The following NEK7 variants were observed in gnomAD, a reference collection of about 807,000 sequenced individuals.
NEK7 encodes NIMA related kinase 7, also known as serine/threonine-protein kinase Nek7.
Under a neutral mutation model 44.6 loss-of-function variants are expected in NEK7, and 18 were observed. That is an observed-to-expected ratio of 0.40 (90% CI 0.28 to 0.60). NEK7 has a LOEUF of 0.60. NEK7 is among the 20% of genes least tolerant of loss of function. The pLI, the probability that NEK7 is intolerant of heterozygous loss-of-function variation, is 0.38. For synonymous variants in NEK7, 130 were observed against 121.1 expected, an observed-to-expected ratio of 1.07 and a Z score of -0.48; for missense variants, 256 against 366.5, an observed-to-expected ratio of 0.70 and a Z score of 2.46.
chr1:198,308,633 T>A (rs6662033), intron 9 of NEK7, among the ~76,000 whole-genome samples: 12,572 of 152,304 alleles, frequency 0.083, 685 homozygotes, highest in East Asian at 0.17. Context: ...GCACGACTCA[T>A]GATTTCTCCC....
intron 1 of NEK7, among the ~76,000 whole-genome samples, chr1:198,230,886 GA>G (rs1442676560): frequency 6.6e-6 from 1 of 151,900 alleles, no homozygotes; most frequent in African/African-American, 2.4e-5. Context: ...CCAGTATAAT[GA>G]AACTGGAAGC....
rs1045463108 is a variant in NEK7 at position 198,310,624 on chromosome 1, G to A, written c.799-8788G>A. On this transcript the variant is annotated intron_variant, in intron 9 of 9. Coordinates refer to ENST00000367385, the MANE Select transcript of NEK7 (RefSeq NM_133494.3). The stretch of plus-strand genomic sequence containing the variant: ...CATCTTGAATTGATTTTTGTATAAG[G>A]TGTAAGGAAGGGATCCAGTTTCAGC... Among the ~76,000 whole-genome samples, 23 of 151,886 alleles carry A rather than the reference G, an allele frequency of 1.5e-4. 1 individual carries two copies. Among genetic ancestry groups the A allele is most frequent in the African/African-American group, 5.6e-4 (23 of 41,350 alleles).
rs1316581578 is a variant in NEK7 at position 198,242,829 on chromosome 1, T to C, written c.57+10192T>C. Among the ~76,000 whole-genome samples the C allele has an allele frequency of 3.6e-5, 5 of 137,460 alleles. No individual in the cohort carries two copies. In the South Asian group the frequency reaches 8.7e-4, roughly 24 times the overall value. 90.2% of individuals were successfully genotyped at this position (137,460 alleles called of 152,430 possible). A position where few individuals can be genotyped will look rare whatever the true frequency, so the allele number is the denominator to read the frequency against. ...TTTTAATTTTTTTTTTTGTATTTAA[T>C]TTTTTTTTTTTTAAGTAGAGATGGG... On this transcript the variant is annotated intron_variant, in intron 2 of 9. Coordinates refer to ENST00000367385, the MANE Select transcript of NEK7 (RefSeq NM_133494.3).
At chr1:198,268,004 T>G (rs1438018031) in intron 5 of NEK7, among the ~76,000 whole-genome samples, 1 of 151,968 alleles carries the variant, frequency 6.6e-6, no homozygotes, top group Non-Finnish European at 1.5e-5. Flanking sequence ...ATTCTCTTCC[T>G]AAAACACTCC....
chr1:198,247,884 T>A (rs560340399), intron 2 of NEK7, among the ~76,000 whole-genome samples: 2 of 152,326 alleles, frequency 1.3e-5, no homozygotes, highest in South Asian at 4.1e-4. Context: ...CCTTTCTGCG[T>A]AAGTCTAGGA....
At position 198,229,284 on chromosome 1, in the gene NEK7, G is replaced by A. The variant is rs116483192; in HGVS notation, c.-28-3269G>A. Among the ~76,000 whole-genome samples the A allele has an allele frequency of 6.9e-3, 1,046 of 152,286 alleles. 10 individuals are homozygous for A. Among genetic ancestry groups the A allele is most frequent in the African/African-American group, 0.02 (813 of 41,554 alleles). Reference sequence around the variant, plus strand: ...TGGTGTTTCTGGGGAGGGCATGGAAGCTCTGCAACCCTTCCCTCATACTTG... The same window carrying A: ...TGGTGTTTCTGGGGAGGGCATGGAAACTCTGCAACCCTTCCCTCATACTTG... On this transcript the variant is annotated intron_variant, in intron 1 of 9. Coordinates refer to ENST00000367385, the MANE Select transcript of NEK7 (RefSeq NM_133494.3).
chr1:198,223,098 C>T (rs930594556), intron 1 of NEK7, among the ~76,000 whole-genome samples: 20 of 152,212 alleles, frequency 1.3e-4, no homozygotes, highest in African/African-American at 4.1e-4. Context: ...GAGAGGCAGG[C>T]AGGAGATTAC....
intron 2 of NEK7, among the ~76,000 whole-genome samples, chr1:198,244,481 T>C (rs1018570508): frequency 6.6e-6 from 1 of 152,182 alleles, no homozygotes; most frequent in African/African-American, 2.4e-5. Context: ...TGTGAAAATA[T>C]GAACCCGTGG....
chr1:198,249,937 G>C (rs1237212115), intron 2 of NEK7, among the ~76,000 whole-genome samples: 3 of 147,082 alleles, frequency 2.0e-5, no homozygotes, highest in East Asian at 4.1e-4. Context: ...TGGTGTTTTA[G>C]ACATGAAGTC....
intron 1 of NEK7, among the ~76,000 whole-genome samples, chr1:198,205,763 T>C (rs1665578267): frequency 6.6e-6 from 1 of 152,170 alleles, no homozygotes. Context: ...GTCTATTTCT[T>C]ATTAGGTTCA....
At chr1:198,227,899 T>G (rs1666274872) in intron 1 of NEK7, among the ~76,000 whole-genome samples, 1 of 152,162 alleles carries the variant, frequency 6.6e-6, no homozygotes, top group Non-Finnish European at 1.5e-5. Context: ...AATTTTGGCT[T>G]TTGTTGCCAT....
intron 1 of NEK7, among the ~76,000 whole-genome samples, chr1:198,208,386 G>T (rs777454532): frequency 6.6e-6 from 1 of 152,018 alleles, no homozygotes; most frequent in Non-Finnish European, 1.5e-5. Context: ...AATGTGTTTT[G>T]TTTGTTTATT....
At chr1:198,247,240 A>T (rs1666858360) in intron 2 of NEK7, among the ~76,000 whole-genome samples, 1 of 152,142 alleles carries the variant, frequency 6.6e-6, no homozygotes, top group South Asian at 2.1e-4. Flanking sequence ...CTTCATTTTA[A>T]ACATGTTTCT....
intron 1 of NEK7, among the ~76,000 whole-genome samples, chr1:198,190,860 C>G (rs914196849): frequency 5.9e-5 from 9 of 151,840 alleles, no homozygotes; most frequent in Non-Finnish European, 8.8e-5. Context: ...CTTTTCTAGA[C>G]TAGTAGAAGG....
intron 1 of NEK7, among the ~76,000 whole-genome samples, chr1:198,171,548 G>A (rs1010454351): frequency 7.2e-5 from 11 of 151,978 alleles, no homozygotes; most frequent in East Asian, 1.9e-4. Context: ...GCATGGTGGC[G>A]CACTCCTGTA....
rs12736903 is a variant in NEK7, at chr1:198,301,315, C to T, written c.798+4075C>T. ...CCTGTAGTCCCAGCACTTTGGGAGG[C>T]CGAGGCGGGCGGATCACGAAGTCAG... On this transcript the variant is annotated intron_variant, in intron 9 of 9. Coordinates refer to ENST00000367385, the MANE Select transcript of NEK7 (RefSeq NM_133494.3). Among the ~76,000 whole-genome samples, 675 of 152,302 alleles carry T rather than the reference C, an allele frequency of 4.4e-3. 6 individuals are homozygous for T. The highest frequency in any genetic ancestry group is 7.1e-3 in the Non-Finnish European group (485 of 68,018).
At chr1:198,318,295 G>A (rs2103049694) in intron 9 of NEK7, among the ~76,000 whole-genome samples, 1 of 152,190 alleles carries the variant, frequency 6.6e-6, no homozygotes, top group African/African-American at 2.4e-5. Flanking sequence ...CCATTTCACT[G>A]TACTCCTTAC....
intron 3 of NEK7, chr1:198,256,639 C>T (rs1653275768): frequency 1.1e-6 from 1 of 910,680 alleles, no homozygotes; most frequent in Admixed American, 3.1e-5. Context: ...GTTTATTGGT[C>T]AGTGTCTAAG....
chr1:198,281,506 TAAAG>T (rs928159627), intron 7 of NEK7, among the ~76,000 whole-genome samples: 4 of 152,082 alleles, frequency 2.6e-5, no homozygotes, highest in Non-Finnish European at 5.9e-5. Flanking sequence ...ATGTAGTTCA[TAAAG>T]AAAAATCTGA....
Sources: gnomAD v4.1 joint callset for allele counts (sites outside exome capture counted in the v4.1 genomes callset) on GRCh38, gnomAD v4.1.1 for gene constraint, MANE v1.5 for transcripts, NCBI Gene and HGNC (gene_info 2026-07-23, HGNC 2026-07-21) for gene names.